The following RGS17 variants were observed in gnomAD, a reference collection of about 807,000 sequenced individuals.
RGS17 encodes regulator of G-protein signaling 17.
RGS17 carries 12 observed loss-of-function variants against 25.5 expected under a neutral mutation model. The ratio of observed to expected loss-of-function variants is 0.47; its 90% CI spans 0.30 to 0.76. RGS17 has a LOEUF of 0.76. RGS17 is among the 30% of genes least tolerant of loss of function. RGS17 has a pLI of 0.07. For missense variants in RGS17, 196 were observed against 242.2 expected, an observed-to-expected ratio of 0.81 and a Z score of 1.27; for synonymous variants, 71 against 76.9, an observed-to-expected ratio of 0.92 and a Z score of 0.40.
intron 1 of RGS17, among the ~76,000 whole-genome samples, chr6:153,109,887 A>G (rs547790614): frequency 1.7e-4 from 26 of 152,396 alleles, no homozygotes; most frequent in African/African-American, 6.2e-4. Context: ...GCAAAGCCCA[A>G]CATGGTGCCT....
rs572391754 is a variant in RGS17, at chr6:153,005,340, T to G, written c.*6234A>C. 6.6e-6 allele frequency: 1 copy of G among 152,368 alleles called. No homozygotes were observed. The highest frequency in any genetic ancestry group is 2.4e-5 in the African/African-American group (1 of 41,584). 9.4% of individuals were successfully genotyped at this position (152,368 alleles called of 1,614,324 possible). Reference sequence around the variant, plus strand: ...GTTTTATTTTTCCACTTCACTGTATTTTCTTTATAGCATTTATTAGTAATC... The same window carrying G: ...GTTTTATTTTTCCACTTCACTGTATGTTCTTTATAGCATTTATTAGTAATC... On this transcript the variant is annotated 3_prime_UTR_variant, in exon 5 of 5. Coordinates refer to ENST00000206262, the MANE Select transcript of RGS17 (RefSeq NM_012419.5).
In RGS17 at chr6:153,010,763, G is replaced by A. The variant is rs2129104938; in HGVS notation, c.*811C>T. Reference sequence around the variant, plus strand: ...TCTTTAATAAATTAATTACAGTATTGGACATCTGATATATACATAAATTCA... The same window carrying A: ...TCTTTAATAAATTAATTACAGTATTAGACATCTGATATATACATAAATTCA... On this transcript the variant is annotated 3_prime_UTR_variant, in exon 5 of 5. Coordinates refer to ENST00000206262, the MANE Select transcript of RGS17 (RefSeq NM_012419.5). 1 of 151,658 alleles carries A rather than the reference G, an allele frequency of 6.6e-6. No homozygotes were observed. The highest frequency in any genetic ancestry group is 1.9e-4 in the East Asian group (1 of 5,158). The allele number at this position is 151,658 out of a possible 1,614,324, so 9.4% of individuals were successfully genotyped here.
chr6:153,116,652 T>C (rs867627951), intron 1 of RGS17, among the ~76,000 whole-genome samples: 2 of 152,116 alleles, frequency 1.3e-5, no homozygotes, highest in African/African-American at 2.4e-5. Context: ...CTTTCCACAA[T>C]AGCAAAGACT....
chr6:153,124,646 C>T (rs534823498), intron 1 of RGS17, among the ~76,000 whole-genome samples: 31 of 152,306 alleles, frequency 2.0e-4, no homozygotes, highest in Middle Eastern at 3.4e-3. Flanking sequence ...GAAGTGAAGG[C>T]TAAATCCCTG....
intron 1 of RGS17, among the ~76,000 whole-genome samples, chr6:153,091,294 G>A (rs192080093): frequency 6.6e-6 from 1 of 152,286 alleles, no homozygotes; most frequent in African/African-American, 2.4e-5. Context: ...TTCCTGAGAT[G>A]TTGCATTCCA....
chr6:153,105,472 G>C (rs1432753073), intron 1 of RGS17, among the ~76,000 whole-genome samples: 9 of 152,164 alleles, frequency 5.9e-5, no homozygotes, highest in Admixed American at 5.9e-4. Context: ...AGATGATTTA[G>C]TTGCCACTCA....
intron 1 of RGS17, among the ~76,000 whole-genome samples, chr6:153,077,356 C>T (rs948599891): frequency 6.6e-6 from 1 of 151,968 alleles, no homozygotes; most frequent in Non-Finnish European, 1.5e-5. Context: ...AAAAAAATAG[C>T]TGTATATAAT....
intron 1 of RGS17, among the ~76,000 whole-genome samples, chr6:153,114,477 T>C (rs995802546): frequency 1.3e-5 from 2 of 152,134 alleles, no homozygotes; most frequent in African/African-American, 4.8e-5. Context: ...ACCAGATGGA[T>C]TCACAGCTGA....
chr6:153,009,534 CT>C lies in RGS17; in HGVS notation c.*2039del, dbSNP rs1016826282. On this transcript the variant is annotated 3_prime_UTR_variant, in exon 5 of 5. Transcript: ENST00000206262. The stretch of plus-strand genomic sequence containing the variant: ...TTTTTGTAAACATCTTCATAGCTAT[CT>C]TTTTTTCAACATATTACTGAAAACT... The C allele has an allele frequency of 4.6e-5, 7 of 151,744 alleles. No homozygotes were observed. The highest frequency in any genetic ancestry group is 2.1e-4 in the South Asian group (1 of 4,818). 9.4% of individuals were successfully genotyped at this position (151,744 alleles called of 1,614,324 possible).
chr6:153,025,647 TATATATATAAAAAC>T (rs1179012327), intron 3 of RGS17, among the ~76,000 whole-genome samples: 2 of 143,468 alleles, frequency 1.4e-5, no homozygotes, highest in African/African-American at 5.1e-5. Context: ...TATATAAACA[TATATATATAAAAAC>T]ATATATATAT....
At chr6:153,091,279 C>G (rs746171347) in intron 1 of RGS17, among the ~76,000 whole-genome samples, 7 of 152,162 alleles carry the variant, frequency 4.6e-5, no homozygotes, top group Non-Finnish European at 1.0e-4. Flanking sequence ...ATACACTCCC[C>G]TGGTTTCCTG....
At chr6:153,054,311 G>C (rs1179025523) in intron 1 of RGS17, among the ~76,000 whole-genome samples, 2 of 150,960 alleles carry the variant, frequency 1.3e-5, no homozygotes, top group Non-Finnish European at 2.9e-5. Flanking sequence ...TGAGATTGTT[G>C]TGGTTTGAAA....
At chr6:153,122,944 A>AC (rs1303765568) in intron 1 of RGS17, among the ~76,000 whole-genome samples, 1 of 151,466 alleles carries the variant, frequency 6.6e-6, no homozygotes, top group Non-Finnish European at 1.5e-5. Flanking sequence ...TCCAATGTAC[A>AC]TTGGAGTAAA....
rs143024719 is a variant in RGS17 at position 153,078,399 on chromosome 6, G to T, written c.-25-34356C>A. The stretch of plus-strand genomic sequence containing the variant: ...AAAAATATTAACTCTACTGGTCCAT[G>T]AACATGGTATCTCTTCATATATTTA... On this transcript the variant is annotated intron_variant, in intron 1 of 4. Transcript: ENST00000206262. Among the ~76,000 whole-genome samples, 65 of 152,204 alleles carry T rather than the reference G, an allele frequency of 4.3e-4. No individual in the cohort carries two copies. In the East Asian group the frequency reaches 0.011, roughly 26 times the overall value.
intron 1 of RGS17, among the ~76,000 whole-genome samples, chr6:153,115,508 T>G (rs1243685891): frequency 6.6e-6 from 1 of 152,192 alleles, no homozygotes; most frequent in Non-Finnish European, 1.5e-5. Context: ...CCCAAAGTAA[T>G]TTATAGATTC....
chr6:153,101,610 T>C (rs1177121131), intron 1 of RGS17, among the ~76,000 whole-genome samples: 1 of 152,144 alleles, frequency 6.6e-6, no homozygotes, highest in Non-Finnish European at 1.5e-5. Context: ...TGTGGTGATA[T>C]GGTTTGGCTC....
intron 1 of RGS17, among the ~76,000 whole-genome samples, chr6:153,115,872 G>A (rs1777536872): frequency 6.6e-6 from 1 of 152,328 alleles, no homozygotes; most frequent in East Asian, 1.9e-4. Context: ...CTAGCCATAT[G>A]CAGAAAACTG....
At chr6:153,051,654 C>T (rs1250288454) in intron 1 of RGS17, among the ~76,000 whole-genome samples, 1 of 152,122 alleles carries the variant, frequency 6.6e-6, no homozygotes, top group Non-Finnish European at 1.5e-5. Flanking sequence ...CAGCTAAGTA[C>T]TGAAGGCACG....
At chr6:153,095,827 A>G (rs1359754102) in intron 1 of RGS17, among the ~76,000 whole-genome samples, 1 of 152,208 alleles carries the variant, frequency 6.6e-6, no homozygotes, top group Non-Finnish European at 1.5e-5. Flanking sequence ...GATACTTAGG[A>G]TCCAAATTGT....
Sources: allele counts gnomAD v4.1 joint callset (sites outside exome capture counted in the v4.1 genomes callset), GRCh38; gene constraint gnomAD v4.1.1; transcripts MANE v1.5; gene names NCBI Gene and HGNC (gene_info 2026-07-23, HGNC 2026-07-21).